The following ADAMTSL1 variants were observed in gnomAD, a reference collection of about 807,000 sequenced individuals.
The protein encoded by ADAMTSL1 is ADAMTS like 1.
A neutral mutation model predicts 201.8 loss-of-function variants in ADAMTSL1; 126 were observed. The observed-to-expected ratio is 0.62, with a 90% confidence interval of 0.54 to 0.72. The LOEUF is 0.72. Among genes scored for constraint, ADAMTSL1 ranks in the 30% least tolerant of loss-of-function variants. The pLI, the probability that ADAMTSL1 is intolerant of heterozygous loss-of-function variation, is 0.00. For synonymous variants in ADAMTSL1, 1,121 were observed against 903.4 expected (o/e 1.24, Z -4.32); for missense variants, 2,679 against 2,277.8 (o/e 1.18, Z -3.59).
intron 2 of ADAMTSL1, among the ~76,000 whole-genome samples, chr9:18,276,984 C>G (rs977651731): frequency 2.0e-5 from 3 of 152,144 alleles, no homozygotes; most frequent in Non-Finnish European, 2.9e-5. Context: ...TTAAATTTCC[C>G]TTTTAATTTC....
intron 1 of ADAMTSL1, among the ~76,000 whole-genome samples, chr9:18,012,158 T>C (rs1820079534): frequency 2.0e-5 from 3 of 152,032 alleles, no homozygotes; most frequent in African/African-American, 7.2e-5. Flanking sequence ...AACCCCACCA[T>C]GGCAGTGTCT....
In ADAMTSL1 at chr9:18,635,049, A is replaced by G. The variant is rs1157752615; in HGVS notation, c.602-894A>G. ...CTATCCATTTGATCTTGGACTATGC[A>G]TTGTACTTCCCAGAAATTTCATTTG... is the stretch of plus-strand genomic sequence containing the variant. On this transcript the variant is annotated intron_variant, in intron 5 of 28. Transcript: ENST00000380548. Among the ~76,000 whole-genome samples the G allele has an allele frequency of 2.0e-5, 3 of 151,670 alleles. No homozygotes were observed. In the East Asian group the frequency reaches 5.8e-4, roughly 29 times the overall value.
At chr9:18,635,286 C>G (rs1483993421) in intron 5 of ADAMTSL1, among the ~76,000 whole-genome samples, 1 of 151,950 alleles carries the variant, frequency 6.6e-6, no homozygotes, top group Non-Finnish European at 1.5e-5. Flanking sequence ...TGAATTTAAG[C>G]TCAATTTATA....
Position 18,717,039 on chromosome 9 carries a change from G to C in ADAMTSL1, c.1877-4497G>C, listed in dbSNP as rs7874968. ...CTCATAGGTGGGAATTGAACAATGA[G>C]AACACATGGACACAGGAAGGGAACA... On this transcript the variant is annotated intron_variant, in intron 14 of 28. Coordinates refer to ENST00000380548, the MANE Select transcript of ADAMTSL1 (RefSeq NM_001040272.6). Among the ~76,000 whole-genome samples the C allele has an allele frequency of 3.3e-3, 458 of 140,176 alleles. 1 individual carries two copies. Among genetic ancestry groups the C allele is most frequent in the African/African-American group, 0.011 (422 of 37,990 alleles). The allele number at this position is 140,176 out of a possible 152,430, so 92.0% of individuals were successfully genotyped here. A position where few individuals can be genotyped will look rare whatever the true frequency, so the allele number is the denominator to read the frequency against.
rs1346908220 is a variant in ADAMTSL1, at chr9:18,826,450, G to C, written c.4101G>C (p.Gln1367His). The C allele has an allele frequency of 1.2e-6, 2 of 1,613,092 alleles. No homozygotes were observed. The highest frequency in any genetic ancestry group is 1.7e-6 in the Non-Finnish European group (2 of 1,179,626). ...ATGGAGAGCTGACTGAGAGCACCCAGCTGCTGATCCTAGGTAAACACTTCA... is the reference window on the plus strand; with the variant it reads ...ATGGAGAGCTGACTGAGAGCACCCACCTGCTGATCCTAGGTAAACACTTCA... ...NLHGELTEST[Q>H]LLILDPPQVP... is the part of the protein sequence containing the mutation. The change falls in exon 22 of 29, where the codon CAG becomes CAC. Residue 1367 changes from glutamine to histidine, a missense_variant. By Grantham distance (24) the Gln-to-His change is conservative. Transcript: ENST00000380548.
chr9:18,430,854 T>A (rs1175529263), intron 2 of ADAMTSL1, among the ~76,000 whole-genome samples: 1 of 152,236 alleles, frequency 6.6e-6, no homozygotes, highest in African/African-American at 2.4e-5. Flanking sequence ...TTGTAAGTAC[T>A]TTTAATTGGG....
At chr9:18,894,977 A>T (rs1829529998) in intron 26 of ADAMTSL1, among the ~76,000 whole-genome samples, 1 of 152,246 alleles carries the variant, frequency 6.6e-6, no homozygotes, top group Non-Finnish European at 1.5e-5. Flanking sequence ...AGTCAATGGT[A>T]TAAAAATACA....
chr9:18,463,912 T>C (rs955915903), intron 2 of ADAMTSL1, among the ~76,000 whole-genome samples: 2 of 152,224 alleles, frequency 1.3e-5, no homozygotes, highest in African/African-American at 2.4e-5. Context: ...AATTCTATGT[T>C]TAATTTTTGG....
At chr9:18,768,918 A>G (rs1311324825) in intron 16 of ADAMTSL1, among the ~76,000 whole-genome samples, 1 of 152,232 alleles carries the variant, frequency 6.6e-6, no homozygotes, top group Non-Finnish European at 1.5e-5. Flanking sequence ...GAGACACAAT[A>G]GAATTATCTG....
chr9:18,321,052 G>A (rs546948360), intron 2 of ADAMTSL1, among the ~76,000 whole-genome samples: 1 of 152,044 alleles, frequency 6.6e-6, no homozygotes, highest in African/African-American at 2.4e-5. Context: ...TCAATTTTAC[G>A]TTGTTTATAT....
intron 2 of ADAMTSL1, among the ~76,000 whole-genome samples, chr9:18,202,543 C>T (rs1373514419): frequency 6.6e-6 from 1 of 152,192 alleles, no homozygotes; most frequent in African/African-American, 2.4e-5. Flanking sequence ...GCATGTTATT[C>T]TGTCTCCCAC....
intron 15 of ADAMTSL1, among the ~76,000 whole-genome samples, chr9:18,735,732 G>A (rs186441756): frequency 6.8e-5 from 8 of 117,324 alleles, no homozygotes; most frequent in African/African-American, 2.8e-4. Context: ...TGAGAAGTCA[G>A]ACGGCATTCT....
intron 1 of ADAMTSL1, among the ~76,000 whole-genome samples, chr9:17,949,720 C>T (rs1432030768): frequency 6.6e-6 from 1 of 152,030 alleles, no homozygotes; most frequent in Non-Finnish European, 1.5e-5. Context: ...AGTATCAGTC[C>T]CCATATGTAT....
chr9:17,924,524 G>C (rs1252646026), intron 1 of ADAMTSL1, among the ~76,000 whole-genome samples: 2 of 148,404 alleles, frequency 1.3e-5, no homozygotes, highest in African/African-American at 2.5e-5. Context: ...CAATGGAACA[G>C]AACAGAGCCC....
At chr9:18,230,818 G>A (rs977396212) in intron 2 of ADAMTSL1, among the ~76,000 whole-genome samples, 1 of 152,136 alleles carries the variant, frequency 6.6e-6, no homozygotes, top group Admixed American at 6.5e-5. Flanking sequence ...TTAGGCACCA[G>A]ATGTTAAAAT....
rs56112949 is a variant in ADAMTSL1 at position 18,894,345 on chromosome 9, C to CTTT, written c.4851+1763_4851+1765dup. On this transcript the variant is annotated intron_variant, in intron 26 of 28. Coordinates refer to ENST00000380548, the MANE Select transcript of ADAMTSL1 (RefSeq NM_001040272.6). ...CCTGGGTGACAGAGCAAAACCTTGTCTTTTTTTTTTTTTTTTGAAAAAGGT... is the reference window on the plus strand; with the variant it reads ...CCTGGGTGACAGAGCAAAACCTTGTCTTTTTTTTTTTTTTTTTTTGAAAAAGGT... 7.3e-5 allele frequency among the ~76,000 whole-genome samples: 9 copies of CTTT among 124,016 alleles called. No individual in the cohort carries two copies. In the South Asian group the frequency reaches 1.5e-3, roughly 21 times the overall value. The allele number at this position is 124,016 out of a possible 152,430, so 81.4% of individuals were successfully genotyped here. A position where few individuals can be genotyped will look rare whatever the true frequency, so the allele number is the denominator to read the frequency against.
intron 4 of ADAMTSL1, among the ~76,000 whole-genome samples, chr9:18,608,051 A>G (rs945807795): frequency 1.3e-5 from 2 of 152,204 alleles, no homozygotes; most frequent in Admixed American, 1.3e-4. Context: ...ATGCAACGTG[A>G]TGCAATATAG....
Position 18,775,959 on chromosome 9 carries a change from C to G in ADAMTSL1, c.2551+63C>G, listed in dbSNP as rs1481657393. ...CCCACACAGCAGCAGCTATAGCCAC[C>G]ACGCCGTGGCCTTCCCTAAACTCAA... On this transcript the variant is annotated intron_variant, in intron 18 of 28. Transcript: ENST00000380548. 16 of 1,541,746 alleles carry G rather than the reference C, an allele frequency of 1.0e-5. No individual in the cohort carries two copies. In the South Asian group the frequency reaches 1.4e-4, roughly 14 times the overall value.
intron 1 of ADAMTSL1, among the ~76,000 whole-genome samples, chr9:18,083,829 C>T (rs1288658877): frequency 6.6e-6 from 1 of 152,164 alleles, no homozygotes; most frequent in Non-Finnish European, 1.5e-5. Context: ...CATTCTTGCT[C>T]TAGCTCTAAA....
Sources: allele counts gnomAD v4.1 joint callset (sites outside exome capture counted in the v4.1 genomes callset), GRCh38; gene constraint gnomAD v4.1.1; transcripts MANE v1.5; gene names NCBI Gene and HGNC (gene_info 2026-07-23, HGNC 2026-07-21).